UTRN: variants seen among roughly 807,000 people sequenced by gnomAD.
UTRN encodes utrophin.
A neutral mutation model predicts 463.9 loss-of-function variants in UTRN; 283 were observed. The observed-to-expected ratio is 0.61, with a 90% CI of 0.55 to 0.67. The LOEUF (loss-of-function observed/expected upper bound fraction) is 0.67, where lower values mean the gene tolerates loss of function less well. UTRN is among the 30% of genes least tolerant of loss of function. The pLI, the probability that UTRN is intolerant of heterozygous loss-of-function variation, is 0.00. For missense variants in UTRN, 3,922 were observed against 4,084.3 expected, an observed-to-expected ratio of 0.96 and a Z score of 1.08; for synonymous variants, 1,442 against 1,431.5, an observed-to-expected ratio of 1.01 and a Z score of -0.17.
At chr6:144,673,889 G>A (rs1231616216) in intron 51 of UTRN, among the ~76,000 whole-genome samples, 1 of 152,030 alleles carries the variant, frequency 6.6e-6, no homozygotes, top group Non-Finnish European at 1.5e-5. Flanking sequence ...CTTTATCTCG[G>A]CTTAATTTAT....
At chr6:144,768,639 G>A (rs1412306096) in intron 58 of UTRN, among the ~76,000 whole-genome samples, 1 of 152,182 alleles carries the variant, frequency 6.6e-6, no homozygotes, top group Non-Finnish European at 1.5e-5. Context: ...ATGCAAAGCT[G>A]ACAAACTGGT....
rs146076247 is a variant in UTRN at position 144,515,439 on chromosome 6, C to T, written c.5244+619C>T. The stretch of plus-strand genomic sequence containing the variant: ...TTAAACCCTTTATTTTATGGTCACA[C>T]TCTATATATGTCTTCACATTGCACA... On this transcript the variant is annotated intron_variant, in intron 37 of 74. Transcript: ENST00000367545. 2.1e-4 allele frequency among the ~76,000 whole-genome samples: 32 copies of T among 151,916 alleles called. 1 individual carries two copies. In the East Asian group the frequency reaches 4.6e-3, roughly 22 times the overall value.
intron 54 of UTRN, 35 bp downstream of exon 54, chr6:144,730,521 C>A: frequency 6.4e-7 from 1 of 1,560,362 alleles, no homozygotes; most frequent in South Asian, 1.2e-5. Flanking sequence ...CATAAAAACA[C>A]ATGCTAGGAG....
chr6:144,828,676 ATCTT>A, intron 68 of UTRN, 110 bp from the exon 69 acceptor site: 3 of 1,044,320 alleles, frequency 2.9e-6, no homozygotes, highest in Non-Finnish European at 2.9e-6. Flanking sequence ...GGAGATTTGG[ATCTT>A]TCTATGTTTT....
At chr6:144,519,771 T>A (rs570038730) in intron 39 of UTRN, among the ~76,000 whole-genome samples, 1 of 152,320 alleles carries the variant, frequency 6.6e-6, no homozygotes, top group African/African-American at 2.4e-5. Flanking sequence ...TCTTAATGAA[T>A]GGGAATTTTT....
intron 68 of UTRN, among the ~76,000 whole-genome samples, chr6:144,828,008 A>G (rs1036033713): frequency 6.6e-6 from 1 of 152,174 alleles, no homozygotes; most frequent in Non-Finnish European, 1.5e-5. Context: ...GAGATGGTGC[A>G]CATGTGAATT....
chr6:144,660,512 C>T (rs963191711), intron 51 of UTRN, among the ~76,000 whole-genome samples: 7 of 151,772 alleles, frequency 4.6e-5, no homozygotes, highest in South Asian at 2.1e-4. Context: ...AATTCCACAT[C>T]AGAAGAAACT....
intron 2 of UTRN, among the ~76,000 whole-genome samples, chr6:144,388,319 G>A (rs184912775): frequency 0.018 from 2,694 of 150,482 alleles, 39 homozygotes; most frequent in Middle Eastern, 0.066. Flanking sequence ...TTAACCTTTT[G>A]TGTTTTTTTT....
At chr6:144,459,823 C>T (rs1198071679) in intron 21 of UTRN, among the ~76,000 whole-genome samples, 1 of 152,010 alleles carries the variant, frequency 6.6e-6, no homozygotes, top group African/African-American at 2.4e-5. Flanking sequence ...CTCCTGGGCT[C>T]AAGTGATCTT....
chr6:144,645,491 T>A (rs1778197474), intron 51 of UTRN, among the ~76,000 whole-genome samples: 1 of 152,112 alleles, frequency 6.6e-6, no homozygotes, highest in South Asian at 2.1e-4. Flanking sequence ...AACATTTAGG[T>A]AAATAATGGA....
At chr6:144,713,212 T>C (rs1785929144) in intron 53 of UTRN, among the ~76,000 whole-genome samples, 1 of 152,216 alleles carries the variant, frequency 6.6e-6, no homozygotes, top group African/African-American at 2.4e-5. Context: ...TCAGAAATGT[T>C]TGGATTTTGG....
intron 51 of UTRN, among the ~76,000 whole-genome samples, chr6:144,639,686 T>C (rs1585723586): frequency 1.3e-5 from 2 of 152,204 alleles, no homozygotes; most frequent in East Asian, 3.8e-4. Flanking sequence ...TTCTTACTTT[T>C]TTTTTTTCTT....
At chr6:144,687,968 C>G (rs954050563) in intron 52 of UTRN, among the ~76,000 whole-genome samples, 1 of 152,140 alleles carries the variant, frequency 6.6e-6, no homozygotes, top group African/African-American at 2.4e-5. Context: ...TTTTTCTTCT[C>G]CCTCAGGAAC....
At position 144,299,331 on chromosome 6, in the gene UTRN, A is replaced by G. The variant is rs376137939; in HGVS notation, c.79+7424A>G. ...AAGTCATAGAACCAAAGTGAAAATGATCTGCATTTTAGAGGAGCAAGGAAA... is the reference window on the plus strand; with the variant it reads ...AAGTCATAGAACCAAAGTGAAAATGGTCTGCATTTTAGAGGAGCAAGGAAA... On this transcript the variant is annotated intron_variant, in intron 2 of 74. Coordinates refer to ENST00000367545, the MANE Select transcript of UTRN (RefSeq NM_007124.3). Among the ~76,000 whole-genome samples, 6 of 152,362 alleles carry G rather than the reference A, an allele frequency of 3.9e-5. 1 individual carries two copies. Among genetic ancestry groups the G allele is most frequent in the African/African-American group, 1.4e-4 (6 of 41,594 alleles).
At chr6:144,635,137 TG>T (rs374456111) in intron 51 of UTRN, among the ~76,000 whole-genome samples, 224 of 136,434 alleles carry the variant, frequency 1.6e-3, no homozygotes, top group African/African-American at 6.7e-3. Context: ...GTTATTTGTG[TG>T]TTTTTTTTTT....
chr6:144,651,175 T>C (rs752093472), intron 51 of UTRN, among the ~76,000 whole-genome samples: 2 of 152,002 alleles, frequency 1.3e-5, no homozygotes, highest in Non-Finnish European at 2.9e-5. Flanking sequence ...AGAGTTTTTA[T>C]CAATTTTTTT....
intron 3 of UTRN, among the ~76,000 whole-genome samples, chr6:144,419,131 C>A (rs1028908871): frequency 2.0e-5 from 3 of 152,164 alleles, no homozygotes. Context: ...AGGCAGGTGA[C>A]GAAGGCCACT....
intron 62 of UTRN, among the ~76,000 whole-genome samples, chr6:144,789,484 A>G (rs891210064): frequency 2.0e-5 from 3 of 152,186 alleles, no homozygotes; most frequent in Admixed American, 6.5e-5. Context: ...GATTATAACT[A>G]AGAGGTGAGG....
chr6:144,836,732 T>A, intron 71 of UTRN, 191 bp downstream of exon 71: 1 of 852,532 alleles, frequency 1.2e-6, no homozygotes, highest in Non-Finnish European at 1.7e-6. Context: ...CACAAAAATG[T>A]GTTTGCCCAG....
Sources: gnomAD v4.1 joint callset for allele counts (sites outside exome capture counted in the v4.1 genomes callset) on GRCh38, gnomAD v4.1.1 for gene constraint, MANE v1.5 for transcripts, NCBI Gene and HGNC (gene_info 2026-07-23, HGNC 2026-07-21) for gene names.